Variants in SLC6A12 observed in about 807,000 individuals in gnomAD.
SLC6A12 encodes the protein solute carrier family 6 member 12, also known as sodium- and chloride-dependent betaine transporter.
A neutral mutation model predicts 73.3 loss-of-function variants in SLC6A12; 50 were observed. The ratio of observed to expected loss-of-function variants is 0.68; its 90% CI spans 0.54 to 0.86. The LOEUF is 0.86. Ranked by LOEUF, SLC6A12 falls within the 40% of genes least tolerant of loss-of-function variation. The pLI, the probability that SLC6A12 is intolerant of heterozygous loss-of-function variation, is 0.00. For synonymous variants in SLC6A12, 304 were observed against 309.2 expected, an observed-to-expected ratio of 0.98 and a Z score of 0.18; for missense variants, 648 against 772.8, an observed-to-expected ratio of 0.84 and a Z score of 1.92.
chr12:184,442 T>C, the SLC6A12 span, among the ~76,000 whole-genome samples: 1 of 152,016 alleles, frequency 6.6e-6, no homozygotes, highest in Admixed American at 6.5e-5. Flanking sequence ...CTGGCCAACA[T>C]GGCAAAACCT....
rs1372759352 is a variant in SLC6A12, at chr12:209,758, T to G, written c.214+15A>C. ...CACAGCTCTCCCCACCATGCCTACCTCAAAGTGAACTCACCACCTCCGTTT... is the reference window on the plus strand; with the variant it reads ...CACAGCTCTCCCCACCATGCCTACCGCAAAGTGAACTCACCACCTCCGTTT... On this transcript the variant is annotated intron_variant, in intron 3 of 15. Transcript: ENST00000684302. 1 of 1,614,128 alleles carries G rather than the reference T, an allele frequency of 6.2e-7. No homozygotes were observed.
chr12:188,492 C>G (rs374137085), downstream of SLC6A12, among the ~76,000 whole-genome samples: 2,021 of 152,324 alleles, frequency 0.013, 27 homozygotes, highest in Middle Eastern at 0.031. Flanking sequence ...GGAGCCGGCT[C>G]CGGCCTTGGC....
the SLC6A12 span, among the ~76,000 whole-genome samples, chr12:184,779 C>T: frequency 1.3e-5 from 2 of 151,748 alleles, no homozygotes; most frequent in Non-Finnish European, 2.9e-5. Flanking sequence ...AATAAAAATA[C>T]AAAAATTAGC....
chr12:184,121 G>T, the SLC6A12 span, among the ~76,000 whole-genome samples: 1 of 151,962 alleles, frequency 6.6e-6, no homozygotes, highest in Admixed American at 6.6e-5. Context: ...AACCAAGTAG[G>T]GTTTGCCCCA....
intron 3 of SLC6A12, 154 bp from the exon 4 acceptor site, chr12:204,852 C>T: frequency 2.6e-6 from 2 of 763,472 alleles, no homozygotes; most frequent in South Asian, 3.4e-5. Flanking sequence ...TGCCTGCGTG[C>T]AGTCCTGAGT....
chr12:196,691 A>C lies in SLC6A12; in HGVS notation c.1188+79T>G, dbSNP rs1939884110. On this transcript the variant is annotated intron_variant, in intron 11 of 15. Transcript: ENST00000684302. ...GTGTGTGGTCAGGGGAGTGGGAGTG[A>C]GGGGAAAGTAGTCCCAGGACAAGCA... The C allele has an allele frequency of 3.0e-6, 3 of 988,670 alleles. No homozygotes were observed. In the African/African-American group the frequency reaches 4.7e-5, roughly 16 times the overall value. 61.2% of individuals were successfully genotyped at this position (988,670 alleles called of 1,614,324 possible).
chr12:194,677 A>G (rs1190359372), intron 13 of SLC6A12, among the ~76,000 whole-genome samples: 2 of 152,194 alleles, frequency 1.3e-5, no homozygotes, highest in Admixed American at 1.3e-4. Context: ...AGCATTCAGT[A>G]TGGTAGCTAT....
At chr12:186,755 C>T (rs1357308693), downstream of SLC6A12, among the ~76,000 whole-genome samples, 1 of 152,230 alleles carries the variant, frequency 6.6e-6, no homozygotes, top group Non-Finnish European at 1.5e-5. Context: ...AGATGTAGCT[C>T]TGAAATTAGA....
rs1940975911 is a variant in SLC6A12, at chr12:213,189, G to A, written c.-143+733C>T. On this transcript the variant is annotated intron_variant, in intron 1 of 15. Coordinates refer to ENST00000684302, the MANE Select transcript of SLC6A12 (RefSeq NM_001122848.3). The surrounding 1 kb of genome is among the most constrained non-coding windows in gnomAD (Gnocchi z 5.3). ...GCTCAGACCCTGCACACGGGGGGAT[G>A]GGACACCCAGCCCCTGCTTCAGTCC... The A allele has an allele frequency of 6.6e-6, 1 of 152,334 alleles. No homozygotes were observed. Among genetic ancestry groups the A allele is most frequent in the African/African-American group, 2.4e-5 (1 of 41,398 alleles). 9.4% of individuals were successfully genotyped at this position (152,334 alleles called of 1,614,324 possible).
intron 7 of SLC6A12, among the ~76,000 whole-genome samples, chr12:199,502 G>A (rs577370322): frequency 6.6e-6 from 1 of 152,066 alleles, no homozygotes; most frequent in South Asian, 2.1e-4. Context: ...AGCGGCGGCC[G>A]GAGCTCCGGG....
At position 204,718 on chromosome 12, in the gene SLC6A12, A is replaced by G; in HGVS notation, c.215-20T>C. ...AGGCTCCTGCAGAAGAGAGAGAGGC[A>G]GGGCTGAGCCACACCCGGGCTCTTC... On this transcript the variant is annotated intron_variant, in intron 3 of 15. Transcript: ENST00000684302. 1.9e-6 allele frequency: 3 copies of G among 1,613,438 alleles called. No individual in the cohort carries two copies. Among genetic ancestry groups the G allele is most frequent in the Non-Finnish European group, 2.5e-6 (3 of 1,179,818 alleles).
chr12:205,789 A>G (rs1006420212), intron 3 of SLC6A12, among the ~76,000 whole-genome samples: 1 of 152,236 alleles, frequency 6.6e-6, no homozygotes, highest in African/African-American at 2.4e-5. Flanking sequence ...ATTGTTTGAT[A>G]ACCACTTTTT....
intron 7 of SLC6A12, 118 bp downstream of exon 7, chr12:200,533 C>T: frequency 3.5e-6 from 4 of 1,153,326 alleles, no homozygotes. Context: ...CTCCCCTGCC[C>T]TGCTCAGGAA....
At chr12:196,618 A>G in intron 11 of SLC6A12, 152 bp downstream of exon 11, 1 of 648,030 alleles carries the variant, frequency 1.5e-6, no homozygotes, top group South Asian at 1.9e-5. Flanking sequence ...TCTCCAGGCC[A>G]CACCCCCAAC....
downstream of SLC6A12, among the ~76,000 whole-genome samples, chr12:187,609 AAAAAAAAAAAAAAAAAAAAAAAC>A (rs1565461338): frequency 2.9e-3 from 44 of 14,962 alleles, 3 homozygotes; most frequent in East Asian, 4.3e-3. Flanking sequence ...AAAAAAAAAA[AAAAAAAAAAAAAAAAAAAAAAAC>A]AAACCACACA....
chr12:192,808 T>G (rs1939664668), intron 14 of SLC6A12, among the ~76,000 whole-genome samples, 160 bp from the exon 15 acceptor site: 1 of 150,540 alleles, frequency 6.6e-6, no homozygotes, highest in African/African-American at 2.5e-5. Context: ...AAGGCATCAT[T>G]CACATCACAG....
chr12:193,324 G>A lies in SLC6A12; in HGVS notation c.1483C>T (p.Pro495Ser), dbSNP rs781719176. The A allele has an allele frequency of 1.2e-6, 2 of 1,614,058 alleles. No individual in the cohort carries two copies. The highest frequency in any genetic ancestry group is 3.3e-5 in the Admixed American group (2 of 60,018). Reference sequence around the variant, plus strand: ...AAGAGCCAGGAGATCTTCACCAGGGGCCATGGCCGGTAGCCAATCATGTCC... The same window carrying A: ...AAGAGCCAGGAGATCTTCACCAGGGACCATGGCCGGTAGCCAATCATGTCC... ...IEDMIGYRPWPLVKISWLFLT... is the reference protein window; with the variant it reads ...IEDMIGYRPWSLVKISWLFLT... Residue 495 changes from proline to serine, a missense_variant, in exon 14 of 16, where the codon CCC becomes TCC. Physicochemically the swap from Pro to Ser is moderately conservative, Grantham distance 74. Transcript: ENST00000684302.
chr12:187,152 T>C (rs77869530), downstream of SLC6A12, among the ~76,000 whole-genome samples: 507 of 152,318 alleles, frequency 3.3e-3, 2 homozygotes, highest in African/African-American at 0.01. Context: ...CTGGCCAAAT[T>C]GTAGCTGCCA....
intron 6 of SLC6A12, 44 bp from the exon 7 acceptor site, chr12:200,827 G>A (rs777805569): frequency 5.0e-6 from 8 of 1,592,242 alleles, no homozygotes; most frequent in Middle Eastern, 3.3e-4. Context: ...AAGGCTAAAG[G>A]GGACAGTTTG....
Sources: allele counts gnomAD v4.1 joint callset (sites outside exome capture counted in the v4.1 genomes callset), GRCh38; gene constraint gnomAD v4.1.1; non-coding constraint Gnocchi (gnomAD v3.1); transcripts MANE v1.5; gene names NCBI Gene and HGNC (gene_info 2026-07-23, HGNC 2026-07-21).